Variants in HS3ST2 observed in about 807,000 individuals in gnomAD.
The protein encoded by HS3ST2 is heparan sulfate-glucosamine 3-sulfotransferase 2.
In HS3ST2, 17 loss-of-function variants were observed where a neutral mutation model predicts 26.3. The observed-to-expected ratio is 0.65, with a 90% CI of 0.44 to 0.97. The LOEUF is 0.97. HS3ST2 is among the 50% of genes least tolerant of loss of function. The probability of loss-of-function intolerance (pLI) is 0.00; values close to 1 mark genes in which losing one functional copy is unlikely to be tolerated. For synonymous variants in HS3ST2, 237 were observed against 219.2 expected (o/e 1.08, Z -0.72); for missense variants, 402 against 501.2 (o/e 0.80, Z 1.89).
intron 1 of HS3ST2, among the ~76,000 whole-genome samples, chr16:22,866,820 A>T (rs888789916): frequency 6.6e-6 from 1 of 152,106 alleles, no homozygotes; most frequent in African/African-American, 2.4e-5. Flanking sequence ...AAAGATAAAA[A>T]ATTTGCATGA....
intron 1 of HS3ST2, among the ~76,000 whole-genome samples, chr16:22,820,505 T>C (rs981811555): frequency 3.3e-5 from 5 of 152,192 alleles, no homozygotes; most frequent in African/African-American, 1.2e-4. Flanking sequence ...CTCACAATCA[T>C]GACAGAAGGA....
At chr16:22,910,967 T>C (rs1466215078) in intron 1 of HS3ST2, among the ~76,000 whole-genome samples, 1 of 152,156 alleles carries the variant, frequency 6.6e-6, no homozygotes, top group East Asian at 1.9e-4. Context: ...GCCTTTCTAG[T>C]GTCATGGGTG....
intron 1 of HS3ST2, among the ~76,000 whole-genome samples, chr16:22,906,415 C>T (rs910658432): frequency 1.1e-4 from 9 of 83,594 alleles, no homozygotes; most frequent in South Asian, 3.6e-4. Context: ...ACCTGGGCCT[C>T]GTGCCCAGAG....
chr16:22,825,581 G>T (rs912226739), intron 1 of HS3ST2, among the ~76,000 whole-genome samples: 5 of 152,166 alleles, frequency 3.3e-5, no homozygotes, highest in Non-Finnish European at 5.9e-5. Context: ...GGAGGAGGTG[G>T]TATGTTATTT....
At chr16:22,837,729 G>A (rs1176800372) in intron 1 of HS3ST2, among the ~76,000 whole-genome samples, 1 of 151,376 alleles carries the variant, frequency 6.6e-6, no homozygotes, top group Non-Finnish European at 1.5e-5. Context: ...TCACAGTATT[G>A]TTGTTAAGAG....
chr16:22,908,109 A>T (rs1056421173), intron 1 of HS3ST2, among the ~76,000 whole-genome samples: 15 of 152,228 alleles, frequency 9.9e-5, no homozygotes, highest in African/African-American at 3.6e-4. Flanking sequence ...CCTGGGAGAC[A>T]GAGTGAGACC....
At chr16:22,878,782 G>A (rs561954020) in intron 1 of HS3ST2, among the ~76,000 whole-genome samples, 105 of 152,202 alleles carry the variant, frequency 6.9e-4, no homozygotes, top group Non-Finnish European at 3.4e-4. Flanking sequence ...GCCTGAAGAA[G>A]GTGAGGGAGA....
chr16:22,901,702 C>T (rs183269145), intron 1 of HS3ST2, among the ~76,000 whole-genome samples: 1 of 152,274 alleles, frequency 6.6e-6, no homozygotes, highest in African/African-American at 2.4e-5. Flanking sequence ...TCCTTCAACA[C>T]CCACGATCAC....
chr16:22,882,453 A>C (rs1246874951), intron 1 of HS3ST2, among the ~76,000 whole-genome samples: 1 of 152,072 alleles, frequency 6.6e-6, no homozygotes, highest in East Asian at 1.9e-4. Flanking sequence ...TTCCCAGATC[A>C]CTGGGTGCAG....
At chr16:22,906,975 C>T (rs894770942) in intron 1 of HS3ST2, among the ~76,000 whole-genome samples, 5 of 152,136 alleles carry the variant, frequency 3.3e-5, no homozygotes. Context: ...AATTCCCACA[C>T]AAGGGCATGA....
At chr16:22,871,172 A>G (rs1901832023) in intron 1 of HS3ST2, among the ~76,000 whole-genome samples, 1 of 152,162 alleles carries the variant, frequency 6.6e-6, no homozygotes, top group African/African-American at 2.4e-5. Context: ...TCTGGCCAAC[A>G]TGGTGAAACC....
chr16:22,888,038 C>T lies in HS3ST2; in HGVS notation c.486-26906C>T, dbSNP rs2141199533. On this transcript the variant is annotated intron_variant, in intron 1 of 1. Coordinates refer to ENST00000261374, the MANE Select transcript of HS3ST2 (RefSeq NM_006043.2). Reference sequence around the variant, plus strand: ...AGTTGGGACAACTCTAGGTTGGATCCCACACTGCCTTCCAGAGCTCCCAGT... The same window carrying T: ...AGTTGGGACAACTCTAGGTTGGATCTCACACTGCCTTCCAGAGCTCCCAGT... Among the ~76,000 whole-genome samples, 2 of 152,176 alleles carry T rather than the reference C, an allele frequency of 1.3e-5. 1 individual carries two copies. The highest frequency in any genetic ancestry group is 3.9e-4 in the East Asian group (2 of 5,186).
At position 22,914,765 on chromosome 16, in the gene HS3ST2, G is replaced by GAA. The variant is rs1902470526; in HGVS notation, c.486-178_486-177insAA. Among the ~76,000 whole-genome samples the GAA allele has an allele frequency of 2.2e-5, 2 of 92,990 alleles. 1 individual carries two copies. Among genetic ancestry groups the GAA allele is most frequent in the African/African-American group, 9.4e-5 (2 of 21,370 alleles). The allele number at this position is 92,990 out of a possible 152,430, so 61.0% of individuals were successfully genotyped here. ...AAAAAAAAAAAAAAAAAAAAAAAAA[G>GAA]AGAAGAAAAGAAAATCAACAAGATT... On this transcript the variant is annotated intron_variant, in intron 1 of 1. Coordinates refer to ENST00000261374, the MANE Select transcript of HS3ST2 (RefSeq NM_006043.2).
In HS3ST2 at chr16:22,900,376, G is replaced by A. The variant is rs1211009464; in HGVS notation, c.486-14568G>A. Among the ~76,000 whole-genome samples the A allele has an allele frequency of 3.3e-5, 5 of 152,110 alleles. 1 individual carries two copies. Among genetic ancestry groups the A allele is most frequent in the African/African-American group, 7.2e-5 (3 of 41,426 alleles). ...CTAATGTCACTGGGGAACATCTCAC[G>A]AGAGCAAGCTGACTCAGGCTGGAAG... On this transcript the variant is annotated intron_variant, in intron 1 of 1. Coordinates refer to ENST00000261374, the MANE Select transcript of HS3ST2 (RefSeq NM_006043.2).
intron 1 of HS3ST2, among the ~76,000 whole-genome samples, chr16:22,827,765 G>A (rs1460074297): frequency 6.9e-6 from 1 of 145,534 alleles, no homozygotes; most frequent in Admixed American, 7.0e-5. Flanking sequence ...ATGCTGGAGT[G>A]CAGTGGCACA....
intron 1 of HS3ST2, among the ~76,000 whole-genome samples, chr16:22,837,487 G>A (rs1901277506): frequency 6.8e-6 from 1 of 147,476 alleles, no homozygotes; most frequent in South Asian, 2.1e-4. Flanking sequence ...TTTCCTATGT[G>A]TGTGTGTGTG....
chr16:22,867,940 T>C (rs1161630096), intron 1 of HS3ST2, among the ~76,000 whole-genome samples: 1 of 152,206 alleles, frequency 6.6e-6, no homozygotes, highest in Non-Finnish European at 1.5e-5. Context: ...ATAAGCTCTT[T>C]GAAAAGATTA....
intron 1 of HS3ST2, among the ~76,000 whole-genome samples, chr16:22,849,888 T>C (rs59214151): frequency 0.27 from 40,510 of 151,992 alleles, 7,065 homozygotes; most frequent in African/African-American, 0.49. Context: ...ATTCCCTCTC[T>C]CATTACCCTG....
chr16:22,819,896 TAAAATC>T (rs1476771544), intron 1 of HS3ST2, among the ~76,000 whole-genome samples: 3 of 152,138 alleles, frequency 2.0e-5, no homozygotes, highest in Non-Finnish European at 2.9e-5. Flanking sequence ...TAGAAAAAAA[TAAAATC>T]AAAGGCAGAA....
Sources: allele counts gnomAD v4.1 joint callset (sites outside exome capture counted in the v4.1 genomes callset), GRCh38; gene constraint gnomAD v4.1.1; transcripts MANE v1.5; gene names NCBI Gene and HGNC (gene_info 2026-07-23, HGNC 2026-07-21).